The following CPEB3 variants were observed in gnomAD, a reference collection of about 807,000 sequenced individuals.
The protein encoded by CPEB3 is cytoplasmic polyadenylation element-binding protein 3.
In CPEB3, 20 loss-of-function variants were observed where a neutral mutation model predicts 67.2. The ratio of observed to expected loss-of-function variants is 0.30; its 90% CI spans 0.21 to 0.43. The LOEUF (loss-of-function observed/expected upper bound fraction) is 0.43, where lower values mean the gene tolerates loss of function less well. Ranked by LOEUF, CPEB3 falls within the 20% of genes least tolerant of loss-of-function variation. CPEB3 has a pLI of 1.00. For synonymous variants in CPEB3, 376 were observed against 393.1 expected (o/e 0.96, Z 0.51); for missense variants, 746 against 968.6 (o/e 0.77, Z 3.05).
intron 8 of CPEB3, among the ~76,000 whole-genome samples, chr10:92,082,953 A>G (rs1000145882): frequency 1.3e-5 from 2 of 152,184 alleles, no homozygotes; most frequent in Non-Finnish European, 2.9e-5. Flanking sequence ...CTAGGAGAAG[A>G]GTTCTGCAGA....
intron 1 of CPEB3, among the ~76,000 whole-genome samples, chr10:92,258,628 AT>A (rs11286080): frequency 0.035 from 2,930 of 82,866 alleles, 399 homozygotes; most frequent in East Asian, 0.11. Context: ...TTTTTTGAAT[AT>A]ATATATATAT....
chr10:92,056,968 C>A (rs918548586), intron 9 of CPEB3, among the ~76,000 whole-genome samples: 2 of 152,218 alleles, frequency 1.3e-5, no homozygotes, highest in African/African-American at 4.8e-5. Context: ...TCTAGACACA[C>A]CTTGGGCCAG....
At chr10:92,066,000 G>A (rs1320746427) in intron 9 of CPEB3, among the ~76,000 whole-genome samples, 12 of 152,004 alleles carry the variant, frequency 7.9e-5, no homozygotes, top group Admixed American at 7.9e-4. Flanking sequence ...GGGAGGCTGA[G>A]GTGTGAGAAT....
chr10:92,239,955 C>T lies in CPEB3; in HGVS notation c.396G>A (p.Gly132=), dbSNP rs1438627036. The change falls in exon 2 of 10, where the codon GGG becomes GGA. Residue 132 remains glycine (G), a synonymous_variant. Transcript: ENST00000265997. This position sits in a 1 kb window ranked among gnomAD's most constrained non-coding sequence, Gnocchi z 6.0. ...SFFQGITPVN[G]TMLFQNFPHH... is the part of the protein sequence containing the mutation. The stretch of plus-strand genomic sequence containing the variant: ...GCGGGAAGTTCTGGAAGAGCATGGT[C>T]CCGTTGACTGGGGTGATCCCCTGGA... The T allele has an allele frequency of 2.5e-6, 4 of 1,613,246 alleles. No homozygotes were observed.
In CPEB3 at chr10:92,255,527, C is replaced by T. The variant is rs755494938; in HGVS notation, c.-11-15166G>A. Among the ~76,000 whole-genome samples, 4 of 152,294 alleles carry T rather than the reference C, an allele frequency of 2.6e-5. No individual in the cohort carries two copies. The Middle Eastern group carries it at 0.01, about 389-fold the overall frequency. The stretch of plus-strand genomic sequence containing the variant: ...AGGCTAGAAGCTAAAAAAGAACCCA[C>T]ATCCTATAACTGCAATTCTTCCAAC... On this transcript the variant is annotated intron_variant, in intron 1 of 9. Transcript: ENST00000265997.
At chr10:92,245,024 T>C (rs1470625341) in intron 1 of CPEB3, among the ~76,000 whole-genome samples, 1 of 152,178 alleles carries the variant, frequency 6.6e-6, no homozygotes, top group Non-Finnish European at 1.5e-5. Flanking sequence ...TCTATTTCCC[T>C]TCTTCACCAA....
At chr10:92,169,217 C>T (rs1171613663) in intron 4 of CPEB3, among the ~76,000 whole-genome samples, 1 of 151,536 alleles carries the variant, frequency 6.6e-6, no homozygotes, top group African/African-American at 2.4e-5. Context: ...CGGCTCACTG[C>T]AACCTCCACC....
At chr10:92,144,261 T>C (rs1242203307) in intron 5 of CPEB3, among the ~76,000 whole-genome samples, 5 of 152,140 alleles carry the variant, frequency 3.3e-5, no homozygotes, top group Non-Finnish European at 7.3e-5. Flanking sequence ...TGTTAATAGG[T>C]ATTTGTTTTT....
chr10:92,248,303 A>G (rs992125289), intron 1 of CPEB3, among the ~76,000 whole-genome samples: 3 of 152,234 alleles, frequency 2.0e-5, no homozygotes, highest in Non-Finnish European at 4.4e-5. Flanking sequence ...AAAAGTTTGT[A>G]CGTGTTCAGT....
chr10:92,137,694 C>G (rs983519703), intron 6 of CPEB3: 8 of 470,516 alleles, frequency 1.7e-5, no homozygotes, highest in Non-Finnish European at 2.7e-5. Flanking sequence ...TTCATCAATA[C>G]TGGAAAGAAG....
At chr10:92,195,046 AACACACAC>A (rs371911549) in intron 2 of CPEB3, among the ~76,000 whole-genome samples, 20 of 117,152 alleles carry the variant, frequency 1.7e-4, no homozygotes, top group African/African-American at 4.8e-4. Context: ...TGTCTCAAAA[AACACACAC>A]ACACACACAC....
intron 4 of CPEB3, among the ~76,000 whole-genome samples, chr10:92,168,319 G>T (rs1847840271): frequency 6.6e-6 from 1 of 152,128 alleles, no homozygotes; most frequent in South Asian, 2.1e-4. Flanking sequence ...TTTATTTCTG[G>T]AGCTAATAGA....
At position 92,098,160 on chromosome 10, in the gene CPEB3, TAAAAAAAAAAAAAAA is replaced by T. The variant is rs1166249584; in HGVS notation, c.1573-6231_1573-6217del. Reference sequence around the variant, plus strand: ...TGGGCAACAAGAGTGACACTCTGCCTAAAAAAAAAAAAAAAAAAAAAAAAAAAAAAAAAAAAAAAA... The same window carrying T: ...TGGGCAACAAGAGTGACACTCTGCCTAAAAAAAAAAAAAAAAAAAAAAAAA... On this transcript the variant is annotated intron_variant, in intron 7 of 9. Coordinates refer to ENST00000265997, the MANE Select transcript of CPEB3 (RefSeq NM_014912.5). Among the ~76,000 whole-genome samples, 254 of 36,122 alleles carry T rather than the reference TAAAAAAAAAAAAAAA, an allele frequency of 7.0e-3. No homozygotes were observed. The Middle Eastern group carries it at 0.074, about 11-fold the overall frequency. 23.7% of individuals were successfully genotyped at this position (36,122 alleles called of 152,430 possible).
intron 2 of CPEB3, among the ~76,000 whole-genome samples, chr10:92,223,271 T>C (rs555182334): frequency 9.2e-5 from 14 of 152,342 alleles, no homozygotes; most frequent in African/African-American, 3.1e-4. Flanking sequence ...TAATAAGGTT[T>C]TCCTTTCCAC....
chr10:92,047,235 T>G lies in CPEB3; in HGVS notation c.*4977A>C, dbSNP rs1034300888. 2.0e-5 allele frequency: 3 copies of G among 151,020 alleles called. No individual in the cohort carries two copies. In the East Asian group the frequency reaches 5.9e-4, roughly 30 times the overall value. The allele number at this position is 151,020 out of a possible 1,614,324, so 9.4% of individuals were successfully genotyped here. On this transcript the variant is annotated 3_prime_UTR_variant, in exon 10 of 10. Transcript: ENST00000265997. ...TGGTAAGATGGAACACTATTGCAGCTGAGATAGAGAAGTTTGGTTATTATA... is the reference window on the plus strand; with the variant it reads ...TGGTAAGATGGAACACTATTGCAGCGGAGATAGAGAAGTTTGGTTATTATA...
At chr10:92,106,529 G>A (rs1437946733) in intron 7 of CPEB3, among the ~76,000 whole-genome samples, 2 of 151,952 alleles carry the variant, frequency 1.3e-5, no homozygotes, top group East Asian at 1.9e-4. Flanking sequence ...AAATTGAGAT[G>A]GGAGGCCAGG....
At chr10:92,286,797 A>G (rs552383900) in intron 1 of CPEB3, among the ~76,000 whole-genome samples, 2 of 152,216 alleles carry the variant, frequency 1.3e-5, no homozygotes, top group East Asian at 3.9e-4. Flanking sequence ...TGTAACGAAT[A>G]CTCCAGGCCC....
intron 1 of CPEB3, among the ~76,000 whole-genome samples, chr10:92,265,511 C>T (rs1435210497): frequency 2.0e-5 from 3 of 152,022 alleles, no homozygotes; most frequent in Non-Finnish European, 4.4e-5. Context: ...AATCCCAGCA[C>T]TTTGGGAGGC....
At chr10:92,142,044 A>AC (rs1846459146) in intron 6 of CPEB3, among the ~76,000 whole-genome samples, 2 of 151,770 alleles carry the variant, frequency 1.3e-5, no homozygotes, top group South Asian at 4.2e-4. Flanking sequence ...AAAAACAAAA[A>AC]AAAAAAAAAC....
Sources: gnomAD v4.1 joint callset for allele counts (sites outside exome capture counted in the v4.1 genomes callset) on GRCh38, gnomAD v4.1.1 for gene constraint, Gnocchi (gnomAD v3.1) non-coding constraint, MANE v1.5 for transcripts, NCBI Gene and HGNC (gene_info 2026-07-23, HGNC 2026-07-21) for gene names.